The following SNX8 variants were observed in gnomAD, a reference collection of about 807,000 sequenced individuals.
SNX8 encodes the protein sorting nexin-8.
A neutral mutation model predicts 51.6 loss-of-function variants in SNX8; 25 were observed. The ratio of observed to expected loss-of-function variants is 0.48; its 90% CI spans 0.35 to 0.68. SNX8 has a LOEUF of 0.68. SNX8 is among the 30% of genes least tolerant of loss of function. SNX8 has a pLI of 0.00. For missense variants in SNX8, 695 were observed against 624.0 expected (o/e 1.11, Z -1.21); for synonymous variants, 324 against 277.0 (o/e 1.17, Z -1.68).
At chr7:2,268,547 G>A (rs1446462643) in intron 5 of SNX8, among the ~76,000 whole-genome samples, 3 of 145,294 alleles carry the variant, frequency 2.1e-5, no homozygotes, top group Non-Finnish European at 4.6e-5. Flanking sequence ...CGGGAGGGAG[G>A]TGGGGGGGTC....
intron 1 of SNX8, among the ~76,000 whole-genome samples, chr7:2,342,845 C>T (rs562762531): frequency 6.6e-5 from 10 of 151,622 alleles, no homozygotes; most frequent in South Asian, 4.2e-4. Flanking sequence ...TTTTTTGAGA[C>T]GGAGTCTCGC....
chr7:2,288,653 G>A (rs373534461), intron 1 of SNX8, among the ~76,000 whole-genome samples: 6 of 152,190 alleles, frequency 3.9e-5, no homozygotes, highest in East Asian at 1.9e-4. Flanking sequence ...AATTAGCATC[G>A]ATGCCCACTC....
rs201549794 is a variant in SNX8 at position 2,285,659 on chromosome 7, ACTTT to A, written c.95-7358_95-7355del. On this transcript the variant is annotated intron_variant, in intron 1 of 10. Coordinates refer to ENST00000222990, the MANE Select transcript of SNX8 (RefSeq NM_013321.4). The stretch of plus-strand genomic sequence containing the variant: ...GCGCTAACTGCCATACAGGTCTCAT[ACTTT>A]CTTTTTCTATTTTTTTTATTTGAGA... 4.8e-3 allele frequency among the ~76,000 whole-genome samples: 722 copies of A among 151,562 alleles called. 3 individuals are homozygous for A. The highest frequency in any genetic ancestry group is 0.016 in the African/African-American group (675 of 41,124).
At chr7:2,346,998 T>C (rs1779043204) in intron 1 of SNX8, among the ~76,000 whole-genome samples, 1 of 151,048 alleles carries the variant, frequency 6.6e-6, no homozygotes, top group Admixed American at 6.6e-5. Context: ...CTCACTCCTC[T>C]ACATTTGAAG....
At chr7:2,303,217 C>CATCCA (rs1796450831) in intron 1 of SNX8, among the ~76,000 whole-genome samples, 1 of 147,946 alleles carries the variant, frequency 6.8e-6, no homozygotes, top group Non-Finnish European at 1.5e-5. Context: ...CCAGCCGCCC[C>CATCCA]GTCCAGGAGG....
intron 1 of SNX8, among the ~76,000 whole-genome samples, chr7:2,309,099 T>C (rs2115203821): frequency 6.6e-6 from 1 of 152,150 alleles, no homozygotes; most frequent in African/African-American, 2.4e-5. Flanking sequence ...ACAAATCTTT[T>C]TTTTAAATAG....
chr7:2,290,484 A>T (rs758385119), intron 1 of SNX8, among the ~76,000 whole-genome samples: 1 of 152,182 alleles, frequency 6.6e-6, no homozygotes, highest in Non-Finnish European at 1.5e-5. Flanking sequence ...AGCCTCAGTG[A>T]CAGAATGAGA....
intron 1 of SNX8, among the ~76,000 whole-genome samples, chr7:2,328,015 A>G (rs1166955905): frequency 2.0e-5 from 3 of 151,604 alleles, no homozygotes; most frequent in Admixed American, 6.6e-5. Context: ...ACAGGTGCGC[A>G]CCACCATGTC....
chr7:2,341,174 A>AG (rs1458755511), intron 1 of SNX8, among the ~76,000 whole-genome samples: 1 of 151,732 alleles, frequency 6.6e-6, no homozygotes, highest in Non-Finnish European at 1.5e-5. Flanking sequence ...CTTAAAAAAA[A>AG]AAAAAGAAAA....
intron 3 of SNX8, 29 bp downstream of exon 3, chr7:2,275,083 C>T (rs779509276): frequency 7.4e-6 from 11 of 1,489,928 alleles, no homozygotes; most frequent in South Asian, 5.6e-5. Flanking sequence ...GCTCCCTCCG[C>T]CCCCGGTGGG....
rs1796089732 is a variant in SNX8, at chr7:2,288,856, C to T, written c.95-10551G>A. Among the ~76,000 whole-genome samples the T allele has an allele frequency of 5.3e-5, 8 of 152,282 alleles. No individual in the cohort carries two copies. The South Asian group carries it at 1.7e-3, about 32-fold the overall frequency. On this transcript the variant is annotated intron_variant, in intron 1 of 10. Transcript: ENST00000222990. Reference sequence around the variant, plus strand: ...TCAAGCAATCCTCCCATCTCAGCCTCCTGAGTGTAGCTGGGACCACAGGCA... The same window carrying T: ...TCAAGCAATCCTCCCATCTCAGCCTTCTGAGTGTAGCTGGGACCACAGGCA...
At chr7:2,257,255 T>C (rs941176699) in intron 9 of SNX8, 110 bp downstream of exon 9, 47 of 1,356,622 alleles carry the variant, frequency 3.5e-5, no homozygotes, top group Non-Finnish European at 4.7e-5. Flanking sequence ...CCAGCTCTGT[T>C]CCAGACACAA....
chr7:2,289,058 C>T lies in SNX8; in HGVS notation c.95-10753G>A, dbSNP rs188635822. On this transcript the variant is annotated intron_variant, in intron 1 of 10. Coordinates refer to ENST00000222990, the MANE Select transcript of SNX8 (RefSeq NM_013321.4). Reference sequence around the variant, plus strand: ...GGCTTGTTTTTATATTATGTAACCACGGTCGAAAGTCAGTTCCTTTGTTCC... The same window carrying T: ...GGCTTGTTTTTATATTATGTAACCATGGTCGAAAGTCAGTTCCTTTGTTCC... Among the ~76,000 whole-genome samples the T allele has an allele frequency of 2.9e-4, 44 of 152,248 alleles. 2 individuals carry two copies. Among genetic ancestry groups the T allele is most frequent in the Admixed American group, 2.0e-3 (31 of 15,272 alleles).
At chr7:2,320,755 T>G (rs907585927) in intron 1 of SNX8, among the ~76,000 whole-genome samples, 3 of 151,316 alleles carry the variant, frequency 2.0e-5, no homozygotes, top group Non-Finnish European at 4.4e-5. Context: ...GCGCGGTGGC[T>G]CACGCCTGTA....
At chr7:2,265,963 C>A (rs142534308) in intron 5 of SNX8, among the ~76,000 whole-genome samples, 190 of 151,984 alleles carry the variant, frequency 1.3e-3, no homozygotes, top group Admixed American at 3.9e-3. Context: ...AACAAACAAA[C>A]AAATCAGCCA....
intron 1 of SNX8, among the ~76,000 whole-genome samples, chr7:2,349,609 T>A (rs993874870): frequency 6.6e-6 from 1 of 151,546 alleles, no homozygotes; most frequent in African/African-American, 2.4e-5. Flanking sequence ...CACACACAAC[T>A]AATTTTTTGT....
chr7:2,344,876 G>A (rs1282907429), intron 1 of SNX8, among the ~76,000 whole-genome samples: 2 of 152,176 alleles, frequency 1.3e-5, no homozygotes, highest in African/African-American at 4.8e-5. Flanking sequence ...TGGCCTTTTA[G>A]ATCCTTTTAA....
intron 1 of SNX8, among the ~76,000 whole-genome samples, chr7:2,352,559 G>A (rs1225489165): frequency 6.6e-6 from 1 of 152,004 alleles, no homozygotes; most frequent in Non-Finnish European, 1.5e-5. Flanking sequence ...ACTCCCAGGC[G>A]TATTGGCTCA....
intron 1 of SNX8, among the ~76,000 whole-genome samples, chr7:2,307,387 C>A (rs1176663223): frequency 6.6e-6 from 1 of 151,456 alleles, no homozygotes; most frequent in Non-Finnish European, 1.5e-5. Context: ...AATCCCAGCA[C>A]TTTGGGAAGC....
Sources: allele counts gnomAD v4.1 joint callset (sites outside exome capture counted in the v4.1 genomes callset), GRCh38; gene constraint gnomAD v4.1.1; transcripts MANE v1.5; gene names NCBI Gene and HGNC (gene_info 2026-07-23, HGNC 2026-07-21).